ARB2A: variants seen among roughly 807,000 people sequenced by gnomAD.
ARB2A encodes the protein cotranscriptional regulator ARB2A.
the ARB2A span, among the ~76,000 whole-genome samples, chr5:93,745,119 T>C: frequency 6.6e-6 from 1 of 152,222 alleles, no homozygotes; most frequent in African/African-American, 2.4e-5. Flanking sequence ...GAATTCCCTA[T>C]TCTAAGGAGA....
chr5:94,103,189 T>G, the ARB2A span, among the ~76,000 whole-genome samples: 1 of 152,020 alleles, frequency 6.6e-6, no homozygotes, highest in African/African-American at 2.4e-5. Context: ...TGAATGTAAA[T>G]GGACTAACTA....
the ARB2A span, among the ~76,000 whole-genome samples, chr5:93,783,033 T>G: frequency 1.3e-5 from 2 of 152,138 alleles, no homozygotes; most frequent in African/African-American, 4.8e-5. Flanking sequence ...ATTCTGATTT[T>G]TGAAAGGAAC....
chr5:93,911,833 T>C, the ARB2A span, among the ~76,000 whole-genome samples: 1 of 151,710 alleles, frequency 6.6e-6, no homozygotes, highest in Non-Finnish European at 1.5e-5. Flanking sequence ...TCCCTCTCTA[T>C]TGGCTGCCTT....
the ARB2A span, among the ~76,000 whole-genome samples, chr5:93,927,666 G>A: frequency 5.3e-5 from 8 of 152,046 alleles, no homozygotes; most frequent in African/African-American, 1.9e-4. Flanking sequence ...TCTCTCAATT[G>A]GTTCCGAATT....
At chr5:93,755,472 T>C in the ARB2A span, among the ~76,000 whole-genome samples, 1,123 of 152,308 alleles carry the variant, frequency 7.4e-3, 16 homozygotes, top group African/African-American at 0.026. Flanking sequence ...CTAGATTGAC[T>C]GCAAGAACAA....
At chr5:93,662,462 G>C in the ARB2A span, among the ~76,000 whole-genome samples, 2 of 152,092 alleles carry the variant, frequency 1.3e-5, no homozygotes, top group Admixed American at 1.3e-4. Context: ...TCTCAACACA[G>C]ATGCGTTAAG....
At chr5:94,108,438 G>C in the ARB2A span, among the ~76,000 whole-genome samples, 1 of 151,816 alleles carries the variant, frequency 6.6e-6, no homozygotes, top group African/African-American at 2.4e-5. Flanking sequence ...GACAAGTTGA[G>C]AGTTTTTACA....
the ARB2A span, among the ~76,000 whole-genome samples, chr5:94,029,987 CAAGA>C: frequency 6.6e-6 from 1 of 152,080 alleles, no homozygotes; most frequent in Admixed American, 6.6e-5. Context: ...TGGCAGCAGA[CAAGA>C]GAGAGAGAGT....
the ARB2A span, among the ~76,000 whole-genome samples, chr5:93,712,234 T>G: frequency 2.0e-5 from 3 of 151,984 alleles, no homozygotes; most frequent in Non-Finnish European, 2.9e-5. Context: ...TAAAATAAAA[T>G]TAAAATTGAA....
chr5:94,077,629 A>T, the ARB2A span, among the ~76,000 whole-genome samples: 2 of 152,174 alleles, frequency 1.3e-5, no homozygotes, highest in African/African-American at 4.8e-5. Flanking sequence ...AACACTACTG[A>T]AAATGCAGCC....
At chr5:93,686,829 C>A in the ARB2A span, among the ~76,000 whole-genome samples, 1 of 151,692 alleles carries the variant, frequency 6.6e-6, no homozygotes, top group East Asian at 1.9e-4. Context: ...AGACAACTCT[C>A]CAAATGTTAT....
chr5:93,878,475 G>T, the ARB2A span, among the ~76,000 whole-genome samples: 1 of 152,010 alleles, frequency 6.6e-6, no homozygotes, highest in South Asian at 2.1e-4. Flanking sequence ...AGTTGCAATG[G>T]AAAGTGGCAG....
At chr5:93,768,005 A>C in the ARB2A span, among the ~76,000 whole-genome samples, 4 of 144,940 alleles carry the variant, frequency 2.8e-5, no homozygotes, top group African/African-American at 1.1e-4. Context: ...AAAAAAAAAA[A>C]AAAAAAAAAA....
chr5:93,688,350 T>C, the ARB2A span, among the ~76,000 whole-genome samples: 1 of 152,212 alleles, frequency 6.6e-6, no homozygotes, highest in Non-Finnish European at 1.5e-5. Context: ...AAGGCAAATT[T>C]TCTCCCAAAT....
At chr5:93,652,345 A>G in the ARB2A span, among the ~76,000 whole-genome samples, 1 of 152,184 alleles carries the variant, frequency 6.6e-6, no homozygotes, top group African/African-American at 2.4e-5. Flanking sequence ...ATTTAAACTC[A>G]TTTTTAATAA....
At chr5:93,632,379 A>C in the ARB2A span, among the ~76,000 whole-genome samples, 1 of 152,204 alleles carries the variant, frequency 6.6e-6, no homozygotes, top group South Asian at 2.1e-4. Context: ...CGGGGCTCTA[A>C]GGAGGAAAGA....
the ARB2A span, among the ~76,000 whole-genome samples, chr5:93,717,440 CTTTTTTTTTTT>C: frequency 1.9e-5 from 2 of 107,398 alleles, no homozygotes; most frequent in African/African-American, 6.6e-5. Context: ...ACCACAGTTG[CTTTTTTTTTTT>C]TTTTTTTTTA....
chr5:93,938,435 C>T, the ARB2A span, among the ~76,000 whole-genome samples: 8 of 152,282 alleles, frequency 5.3e-5, no homozygotes, highest in South Asian at 2.1e-4. Flanking sequence ...TATTGACTAT[C>T]TCAAAATACA....
At chr5:93,946,672 A>T in the ARB2A span, among the ~76,000 whole-genome samples, 18 of 152,196 alleles carry the variant, frequency 1.2e-4, no homozygotes, top group Admixed American at 1.0e-3. Flanking sequence ...ATTGAAAATG[A>T]TTACATCTAA....
Sources: gnomAD v4.1 joint callset for allele counts (sites outside exome capture counted in the v4.1 genomes callset) on GRCh38, gnomAD v4.1.1 for gene constraint, MANE v1.5 for transcripts, NCBI Gene and HGNC (gene_info 2026-07-23, HGNC 2026-07-21) for gene names.